EBF3: variants seen among roughly 807,000 people sequenced by gnomAD.
EBF3 encodes the protein EBF transcription factor 3.
Under a neutral mutation model 77.1 loss-of-function variants are expected in EBF3, and 18 were observed. That is an observed-to-expected ratio of 0.23 (90% CI 0.16 to 0.35). EBF3 has a LOEUF of 0.35. EBF3 is among the 10% of genes least tolerant of loss of function. The pLI, the probability that EBF3 is intolerant of heterozygous loss-of-function variation, is 1.00. For synonymous variants in EBF3, 350 were observed against 343.5 expected, an observed-to-expected ratio of 1.02 and a Z score of -0.21; for missense variants, 558 against 860.0, an observed-to-expected ratio of 0.65 and a Z score of 4.39.
At chr10:129,892,521 G>A (rs1430090056) in intron 6 of EBF3, among the ~76,000 whole-genome samples, 2 of 152,190 alleles carry the variant, frequency 1.3e-5, no homozygotes, top group Non-Finnish European at 2.9e-5. Context: ...CTCCTGTGAC[G>A]GCTCAGAGAG....
chr10:129,945,169 A>AGAAGAGGGGAGGGGAGG (rs1564914756), intron 6 of EBF3, among the ~76,000 whole-genome samples: 4 of 41,324 alleles, frequency 9.7e-5, no homozygotes, highest in African/African-American at 3.2e-4. Flanking sequence ...GGGAGGGGAG[A>AGAAGAGGGGAGGGGAGG]GGAGTGAAGA....
At chr10:129,840,717 C>A in intron 14 of EBF3, 127 bp downstream of exon 14, 1 of 1,379,358 alleles carries the variant, frequency 7.2e-7, no homozygotes, top group African/African-American at 1.4e-5. Context: ...TTTGGACGCC[C>A]AGCCTCCAGG....
In EBF3 at chr10:129,938,134, G is replaced by T. The variant is rs1018276481; in HGVS notation, c.554+19124C>A. The stretch of plus-strand genomic sequence containing the variant: ...AGCACCTGGCAGGAGACTCTCTTCT[G>T]CTCCTGCTGAGTTTTTGTGCGAGGC... On this transcript the variant is annotated intron_variant, in intron 6 of 16. Coordinates refer to ENST00000440978, the MANE Select transcript of EBF3 (RefSeq NM_001375380.1). This position sits in a 1 kb window ranked among gnomAD's most constrained non-coding sequence, Gnocchi z 5.1. Among the ~76,000 whole-genome samples, 1 of 152,162 alleles carries T rather than the reference G, an allele frequency of 6.6e-6. No individual in the cohort carries two copies.
chr10:129,883,811 G>C (rs150384256), intron 6 of EBF3, among the ~76,000 whole-genome samples: 1 of 152,158 alleles, frequency 6.6e-6, no homozygotes, highest in Non-Finnish European at 1.5e-5. Context: ...CCTCTTGTGG[G>C]GGTAACGGGG....
rs1310388464 is a variant in EBF3 at position 129,947,001 on chromosome 10, C to T, written c.554+10257G>A. 6.6e-6 allele frequency among the ~76,000 whole-genome samples: 1 copy of T among 152,160 alleles called. No individual in the cohort carries two copies. The highest frequency in any genetic ancestry group is 1.5e-5 in the Non-Finnish European group (1 of 68,038). Reference sequence around the variant, plus strand: ...CAGCCCATGTCTTGGTAACTGATGGCGGCTGCCCAGTGGCTGGATCGGGCC... The same window carrying T: ...CAGCCCATGTCTTGGTAACTGATGGTGGCTGCCCAGTGGCTGGATCGGGCC... On this transcript the variant is annotated intron_variant, in intron 6 of 16. Coordinates refer to ENST00000440978, the MANE Select transcript of EBF3 (RefSeq NM_001375380.1). The surrounding 1 kb of genome is among the most constrained non-coding windows in gnomAD (Gnocchi z 4.5).
At chr10:129,874,667 C>T (rs1345192169) in intron 7 of EBF3, among the ~76,000 whole-genome samples, 4 of 152,202 alleles carry the variant, frequency 2.6e-5, no homozygotes, top group African/African-American at 7.2e-5. Flanking sequence ...TGGGCACACT[C>T]GGCCATGTCT....
At chr10:129,854,151 C>T (rs888058130) in intron 10 of EBF3, among the ~76,000 whole-genome samples, 1 of 152,006 alleles carries the variant, frequency 6.6e-6, no homozygotes, top group African/African-American at 2.4e-5. Flanking sequence ...CTTTTTCTCC[C>T]TTTTTTAGGC....
intron 6 of EBF3, among the ~76,000 whole-genome samples, chr10:129,936,307 C>T (rs1274661209): frequency 6.6e-6 from 1 of 152,164 alleles, no homozygotes; most frequent in Non-Finnish European, 1.5e-5. Flanking sequence ...AGCCCACCAC[C>T]CCCTCCTGTC....
Position 129,839,187 on chromosome 10 carries a change from G to T in EBF3, c.1768C>A (p.Leu590Met). The T allele has an allele frequency of 7.8e-7, 1 of 1,278,988 alleles. No individual in the cohort carries two copies. Among genetic ancestry groups the T allele is most frequent in the Non-Finnish European group, 1.0e-6 (1 of 965,906 alleles). The allele number at this position is 1,278,988 out of a possible 1,614,324, so 79.2% of individuals were successfully genotyped here. Residue 590 changes from leucine (L) to methionine (M), a missense_variant, in exon 16 of 17, where the codon CTG becomes ATG. By Grantham distance (15) the Leu-to-Met change is conservative. Around this residue, in one of 5 missense-constraint regions of EBF3, gnomAD observed 284 missense variants for 368.3 expected, o/e 0.77. Coordinates refer to ENST00000440978, the MANE Select transcript of EBF3 (RefSeq NM_001375380.1). ...ANGNGLQGSLLGAEDVAAEKT... is the reference protein window; with the variant it reads ...ANGNGLQGSLMGAEDVAAEKT... ...TCCGCGGCTACGTCCTCAGCACCCA[G>T]CAGAGAGCCTGGTACATAGTAGGTG...
At chr10:129,953,979 G>A (rs1167166895) in intron 6 of EBF3, among the ~76,000 whole-genome samples, 1 of 152,234 alleles carries the variant, frequency 6.6e-6, no homozygotes, top group African/African-American at 2.4e-5. Context: ...GACAATGGGT[G>A]TTCCTAATGA....
rs573167547 is a variant in EBF3, at chr10:129,921,294, G to A, written c.554+35964C>T. Among the ~76,000 whole-genome samples the A allele has an allele frequency of 3.3e-5, 5 of 152,274 alleles. No homozygotes were observed. The South Asian group carries it at 1.0e-3, about 32-fold the overall frequency. ...CAGTGGGGCCATCCTGGGCACCGCA[G>A]GGTGTTAGCAGCATCCTCAGTCTCA... On this transcript the variant is annotated intron_variant, in intron 6 of 16. Transcript: ENST00000440978.
At chr10:129,901,803 G>A (rs1002540060) in intron 6 of EBF3, among the ~76,000 whole-genome samples, 7 of 152,198 alleles carry the variant, frequency 4.6e-5, no homozygotes, top group Admixed American at 1.3e-4. Context: ...TAATGAGTTG[G>A]GGTGGGCCTC....
chr10:129,898,557 T>C (rs959558183), intron 6 of EBF3, among the ~76,000 whole-genome samples: 2 of 152,214 alleles, frequency 1.3e-5, no homozygotes, highest in African/African-American at 4.8e-5. Flanking sequence ...ACGGTTTGCA[T>C]CCGTCGCCCC....
intron 6 of EBF3, among the ~76,000 whole-genome samples, chr10:129,895,374 G>A (rs1212169577): frequency 2.0e-5 from 3 of 152,166 alleles, no homozygotes; most frequent in East Asian, 3.9e-4. Flanking sequence ...TATGCCTCCC[G>A]GCACCGAATC....
chr10:129,963,282 G>T lies in EBF3; in HGVS notation c.291+85C>A, dbSNP rs749156291. The T allele has an allele frequency of 2.0e-6, 3 of 1,533,944 alleles. No homozygotes were observed. Among genetic ancestry groups the T allele is most frequent in the Non-Finnish European group, 2.6e-6 (3 of 1,142,196 alleles). On this transcript the variant is annotated intron_variant, in intron 2 of 16. Coordinates refer to ENST00000440978, the MANE Select transcript of EBF3 (RefSeq NM_001375380.1). This position sits in a 1 kb window ranked among gnomAD's most constrained non-coding sequence, Gnocchi z 7.1. ...TGGCGGAGCCGAGCCCGCCGCCTAG[G>T]GGGGCACTCGAACCCCCGCGCACCG...
intron 8 of EBF3, among the ~76,000 whole-genome samples, chr10:129,872,547 C>T (rs946026871): frequency 6.6e-6 from 1 of 152,024 alleles, no homozygotes; most frequent in East Asian, 1.9e-4. Flanking sequence ...TGTGGGACCT[C>T]GGGATAGAGG....
intron 6 of EBF3, among the ~76,000 whole-genome samples, chr10:129,933,063 C>A (rs774627742): frequency 6.6e-6 from 1 of 152,096 alleles, no homozygotes; most frequent in Admixed American, 6.5e-5. Context: ...AGAGAAAGTG[C>A]GGGCGGCAGT....
chr10:129,964,184 G>C lies in EBF3; in HGVS notation c.-416C>G, dbSNP rs961426298. 1.0e-6 allele frequency: 1 copy of C among 984,834 alleles called. No individual in the cohort carries two copies. 61.0% of individuals were successfully genotyped at this position (984,834 alleles called of 1,614,324 possible). A position where few individuals can be genotyped will look rare whatever the true frequency, so the allele number is the denominator to read the frequency against. ...ACGGGGCAGTGAGTGCTGCGGCGCA[G>C]TCCCGGGCGCAGGCGGGGCGCGGCG... is the stretch of plus-strand genomic sequence containing the variant. On this transcript the variant is annotated 5_prime_UTR_variant, in exon 1 of 17. Transcript: ENST00000440978. The surrounding 1 kb of genome is among the most constrained non-coding windows in gnomAD (Gnocchi z 4.5).
chr10:129,912,256 G>A (rs1855576908), intron 6 of EBF3, among the ~76,000 whole-genome samples: 1 of 152,170 alleles, frequency 6.6e-6, no homozygotes, highest in East Asian at 1.9e-4. Context: ...GGGCCCTGCG[G>A]CTCCTCTCCC....
Sources: allele counts gnomAD v4.1 joint callset (sites outside exome capture counted in the v4.1 genomes callset), GRCh38; gene constraint gnomAD v4.1.1; regional missense constraint gnomAD v4.1.1; non-coding constraint Gnocchi (gnomAD v3.1); transcripts MANE v1.5; gene names NCBI Gene and HGNC (gene_info 2026-07-23, HGNC 2026-07-21).